The following NBEAL1 variants were observed in gnomAD, a reference collection of about 807,000 sequenced individuals.
NBEAL1 encodes neurobeachin like 1, also known as neurobeachin-like protein 1.
A neutral mutation model predicts 351.3 loss-of-function variants in NBEAL1; 273 were observed. That is an observed-to-expected ratio of 0.78 (90% CI 0.70 to 0.86). The LOEUF is 0.86. NBEAL1 is among the 40% of genes least tolerant of loss of function. The pLI, the probability that NBEAL1 is intolerant of heterozygous loss-of-function variation, is 0.00. For synonymous variants in NBEAL1, 1,050 were observed against 1,086.4 expected, an observed-to-expected ratio of 0.97 and a Z score of 0.66; for missense variants, 2,961 against 3,201.3, an observed-to-expected ratio of 0.92 and a Z score of 1.81.
rs1444272598 is a variant in NBEAL1, at chr2:203,126,540, C to T, written c.2986-17C>T. ...TTTAAACTGAACTATATGAAACCCT[C>T]TTCTGTTTGGTTTCAGGTGCCAAGC... is the stretch of plus-strand genomic sequence containing the variant. On this transcript the variant is annotated splice_polypyrimidine_tract_variant and intron_variant, in intron 21 of 55. Transcript: ENST00000683969. 7.0e-7 allele frequency: 1 copy of T among 1,432,704 alleles called. No homozygotes were observed. Among genetic ancestry groups the T allele is most frequent in the Non-Finnish European group, 9.2e-7 (1 of 1,092,800 alleles). 88.7% of individuals were successfully genotyped at this position (1,432,704 alleles called of 1,614,324 possible). A position where few individuals can be genotyped will look rare whatever the true frequency, so the allele number is the denominator to read the frequency against.
Position 203,222,885 on chromosome 2 carries a change from T to G in NBEAL1, c.*5531T>G, listed in dbSNP as rs1350003151. ...CTGTATGGAAATAATCTTTAATTTT[T>G]TATAGGTATAACAGAGAAGAACGCA... On this transcript the variant is annotated 3_prime_UTR_variant, in exon 56 of 56. Coordinates refer to ENST00000683969, the MANE Select transcript of NBEAL1 (RefSeq NM_001378026.1). 2.6e-5 allele frequency among the ~76,000 whole-genome samples: 4 copies of G among 152,192 alleles called. No homozygotes were observed. The highest frequency in any genetic ancestry group is 9.6e-5 in the African/African-American group (4 of 41,452).
At chr2:203,195,424 G>C (rs2065212664) in intron 47 of NBEAL1, among the ~76,000 whole-genome samples, 1 of 152,096 alleles carries the variant, frequency 6.6e-6, no homozygotes, top group African/African-American at 2.4e-5. Context: ...CTACAAACTT[G>C]GTTGTTTCCA....
Position 203,145,000 on chromosome 2 carries a change from T to G in NBEAL1, c.5155-11T>G. On this transcript the variant is annotated splice_polypyrimidine_tract_variant and intron_variant, in intron 32 of 55. Transcript: ENST00000683969. ...TTAAATTTTATGTATCTTTTTTATT[T>G]TTTTGGTAAGATTGTACCTTATATG... 2 of 1,534,364 alleles carry G rather than the reference T, an allele frequency of 1.3e-6. No individual in the cohort carries two copies. Among genetic ancestry groups the G allele is most frequent in the Non-Finnish European group, 1.7e-6 (2 of 1,145,474 alleles).
Position 203,209,150 on chromosome 2 carries a change from C to T in NBEAL1, c.7624-11C>T. 6.2e-7 allele frequency: 1 copy of T among 1,601,948 alleles called. No homozygotes were observed. Among genetic ancestry groups the T allele is most frequent in the South Asian group, 1.1e-5 (1 of 89,974 alleles). Reference sequence around the variant, plus strand: ...TTGTCTTTTTCATTTTCTGATATATCCTGTGTGTAGGATGGAACGGTGATT... The same window carrying T: ...TTGTCTTTTTCATTTTCTGATATATTCTGTGTGTAGGATGGAACGGTGATT... On this transcript the variant is annotated splice_polypyrimidine_tract_variant and intron_variant, in intron 52 of 55. Coordinates refer to ENST00000683969, the MANE Select transcript of NBEAL1 (RefSeq NM_001378026.1).
At chr2:203,214,653 T>C (rs2065868216) in intron 55 of NBEAL1, among the ~76,000 whole-genome samples, 1 of 152,090 alleles carries the variant, frequency 6.6e-6, no homozygotes, top group South Asian at 2.1e-4. Flanking sequence ...CATATGCCAG[T>C]AATCCCAGCT....
At chr2:203,125,826 G>T in intron 20 of NBEAL1, 134 bp from the exon 21 acceptor site, 1 of 719,372 alleles carries the variant, frequency 1.4e-6, no homozygotes, top group Non-Finnish European at 2.2e-6. Context: ...TGATTCTATT[G>T]TACAATAGAG....
intron 11 of NBEAL1, among the ~76,000 whole-genome samples, chr2:203,098,996 T>TG (rs1307071880): frequency 6.6e-6 from 1 of 152,128 alleles, no homozygotes; most frequent in East Asian, 1.9e-4. Flanking sequence ...GATTTCTGGC[T>TG]GGGCATGGTG....
Position 203,201,606 on chromosome 2 carries a change from A to G in NBEAL1, c.7302A>G (p.Val2434=), listed in dbSNP as rs1439908608. Residue 2434 remains valine (V), a synonymous_variant, in exon 50 of 56, where the codon GTA becomes GTG. Transcript: ENST00000683969. ...PGLEITSKLF[V]VSHDAKLLFS... ...TAGAGATCACTTCTAAGCTATTTGT[A>G]GTATCACATGATGCAAAGTTGCTCT... The G allele has an allele frequency of 6.2e-7, 1 of 1,612,542 alleles. No individual in the cohort carries two copies. Among genetic ancestry groups the G allele is most frequent in the Non-Finnish European group, 8.5e-7 (1 of 1,179,150 alleles).
intron 33 of NBEAL1, among the ~76,000 whole-genome samples, chr2:203,145,580 C>T (rs1389218825): frequency 6.6e-6 from 1 of 151,978 alleles, no homozygotes; most frequent in Non-Finnish European, 1.5e-5. Context: ...GATGGATCAC[C>T]TGAGATGAGG....
In NBEAL1 at chr2:203,108,197, A is replaced by T. The variant is rs765756070; in HGVS notation, c.1949+9A>T. 2.0e-4 allele frequency: 311 copies of T among 1,522,754 alleles called. No individual in the cohort carries two copies. Among genetic ancestry groups the T allele is most frequent in the Middle Eastern group, 1.0e-3 (6 of 5,884 alleles). 94.3% of individuals were successfully genotyped at this position (1,522,754 alleles called of 1,614,324 possible). A position where few individuals can be genotyped will look rare whatever the true frequency, so the allele number is the denominator to read the frequency against. On this transcript the variant is annotated intron_variant, in intron 14 of 55. Coordinates refer to ENST00000683969, the MANE Select transcript of NBEAL1 (RefSeq NM_001378026.1). ...AGGAAACAATTGTACAGGTATTGGT[A>T]AAAATTATGGAATATAAATGAATAC...
intron 55 of NBEAL1, among the ~76,000 whole-genome samples, chr2:203,216,700 G>A (rs1449467520): frequency 6.6e-6 from 1 of 152,058 alleles, no homozygotes; most frequent in African/African-American, 2.4e-5. Context: ...TTGACATAAC[G>A]AGGCCATTAA....
intron 14 of NBEAL1, 128 bp from the exon 15 acceptor site, chr2:203,110,022 G>A (rs544562122): frequency 5.0e-5 from 45 of 893,808 alleles, no homozygotes; most frequent in Admixed American, 4.4e-4. Context: ...CTTCTGTGTG[G>A]CAATAGAATT....
chr2:203,201,906 C>T (rs562354822), intron 50 of NBEAL1, among the ~76,000 whole-genome samples, 191 bp downstream of exon 50: 1 of 151,290 alleles, frequency 6.6e-6, no homozygotes, highest in South Asian at 2.1e-4. Context: ...AATAAAGCAC[C>T]ACATAAATTA....
chr2:203,070,339 TTCTCTC>T (rs1227694604), intron 7 of NBEAL1, among the ~76,000 whole-genome samples: 2 of 150,512 alleles, frequency 1.3e-5, no homozygotes, highest in Non-Finnish European at 3.0e-5. Context: ...TAACTTGTAT[TTCTCTC>T]TCTCTCTCTC....
rs777472588 is a variant in NBEAL1 at position 203,174,808 on chromosome 2, G to A, written c.6324-339G>A. Reference sequence around the variant, plus strand: ...TGGGAGGCTGAGGCAGGAGAATGATGTGAACCCAGGAGGCGGAGCTTGCAG... The same window carrying A: ...TGGGAGGCTGAGGCAGGAGAATGATATGAACCCAGGAGGCGGAGCTTGCAG... On this transcript the variant is annotated intron_variant, in intron 41 of 55. Coordinates refer to ENST00000683969, the MANE Select transcript of NBEAL1 (RefSeq NM_001378026.1). Among the ~76,000 whole-genome samples, 162 of 151,662 alleles carry A rather than the reference G, an allele frequency of 1.1e-3. 2 individuals carry two copies. The highest frequency in any genetic ancestry group is 2.0e-3 in the Non-Finnish European group (137 of 67,926).
chr2:203,195,957 A>G (rs115813338), intron 47 of NBEAL1, among the ~76,000 whole-genome samples: 2,047 of 152,278 alleles, frequency 0.013, 18 homozygotes, highest in Non-Finnish European at 0.02. Flanking sequence ...GGAAAGTTTT[A>G]TGTCAGTGTA....
chr2:203,119,269 G>A (rs906563015), intron 18 of NBEAL1, among the ~76,000 whole-genome samples: 1 of 151,174 alleles, frequency 6.6e-6, no homozygotes, highest in African/African-American at 2.4e-5. Flanking sequence ...CTGGGCTCAA[G>A]CAATACTCCC....
chr2:203,036,307 CT>C (rs999487137), intron 2 of NBEAL1, among the ~76,000 whole-genome samples: 1 of 148,902 alleles, frequency 6.7e-6, no homozygotes, highest in Non-Finnish European at 1.5e-5. Context: ...TAAAATGTGG[CT>C]TTTTTTGTGT....
At chr2:203,015,459 A>C (rs1247754041) in intron 1 of NBEAL1, among the ~76,000 whole-genome samples, 12 of 145,104 alleles carry the variant, frequency 8.3e-5, no homozygotes, top group African/African-American at 2.6e-4. Context: ...AGTCCCAACT[A>C]CTCCACCCCC....
Sources: gnomAD v4.1 joint callset for allele counts (sites outside exome capture counted in the v4.1 genomes callset) on GRCh38, gnomAD v4.1.1 for gene constraint, MANE v1.5 for transcripts, NCBI Gene and HGNC (gene_info 2026-07-23, HGNC 2026-07-21) for gene names.